Variants in SETD3 observed in about 807,000 individuals in gnomAD.
The protein encoded by SETD3 is actin-histidine N-methyltransferase.
Under a neutral mutation model 63.0 loss-of-function variants are expected in SETD3, and 19 were observed. The observed-to-expected ratio is 0.30, with a 90% CI of 0.21 to 0.44. The LOEUF (loss-of-function observed/expected upper bound fraction) is 0.44, where lower values mean the gene tolerates loss of function less well. SETD3 is among the 20% of genes least tolerant of loss of function. SETD3 has a pLI of 1.00. For missense variants in SETD3, 587 were observed against 728.5 expected, an observed-to-expected ratio of 0.81 and a Z score of 2.24; for synonymous variants, 286 against 264.1, an observed-to-expected ratio of 1.08 and a Z score of -0.80.
At chr14:99,450,034 C>T (rs796436901) in intron 6 of SETD3, among the ~76,000 whole-genome samples, 1 of 152,232 alleles carries the variant, frequency 6.6e-6, no homozygotes, top group Non-Finnish European at 1.5e-5. Flanking sequence ...GAGTGACAAT[C>T]TGCAATACAA....
Position 99,399,100 on chromosome 14 carries a change from T to C in SETD3, c.1364A>G (p.His455Arg). The C allele has an allele frequency of 3.1e-6, 5 of 1,613,748 alleles. No individual in the cohort carries two copies. The highest frequency in any genetic ancestry group is 4.2e-6 in the Non-Finnish European group (5 of 1,179,748). The change falls in exon 13 of 13, where the codon CAC becomes CGC. Residue 455 changes from histidine to arginine, a missense_variant. Coordinates refer to ENST00000331768, the MANE Select transcript of SETD3 (RefSeq NM_032233.3). ...IEEDKSVLKN[H>R]DLSVRAKMAI... Reference sequence around the variant, plus strand: ...CATTTTTGCACGAACAGAAAGATCGTGGTTTTTCAAGACGGATTTATCTTC... The same window carrying C: ...CATTTTTGCACGAACAGAAAGATCGCGGTTTTTCAAGACGGATTTATCTTC...
At chr14:99,482,209 T>C (rs937318796), upstream of SETD3, among the ~76,000 whole-genome samples, 2 of 152,256 alleles carry the variant, frequency 1.3e-5, no homozygotes, top group African/African-American at 4.8e-5. Flanking sequence ...AGGAACTATT[T>C]CTAAGAGCAT....
chr14:99,417,554 C>T (rs1892348137), intron 6 of SETD3, among the ~76,000 whole-genome samples: 1 of 152,228 alleles, frequency 6.6e-6, no homozygotes, highest in Non-Finnish European at 1.5e-5. Flanking sequence ...GAGATACAGA[C>T]ATGCACTTAA....
At chr14:99,417,728 T>C (rs1383965738) in intron 6 of SETD3, among the ~76,000 whole-genome samples, 2 of 152,244 alleles carry the variant, frequency 1.3e-5, no homozygotes. Context: ...CATTAACAGC[T>C]CTGCACAGGA....
chr14:99,401,456 G>A (rs1475467681), intron 11 of SETD3, among the ~76,000 whole-genome samples: 3 of 152,196 alleles, frequency 2.0e-5, no homozygotes, highest in East Asian at 1.9e-4. Context: ...GAAGAACTGC[G>A]GCTGCCAGCA....
At chr14:99,419,762 G>T (rs896732940) in intron 6 of SETD3, among the ~76,000 whole-genome samples, 2 of 147,208 alleles carry the variant, frequency 1.4e-5, no homozygotes, top group African/African-American at 2.5e-5. Context: ...GCGACAGAGC[G>T]AGACTCCGTC....
chr14:99,482,461 A>G (rs905502647), upstream of SETD3, among the ~76,000 whole-genome samples: 2 of 152,248 alleles, frequency 1.3e-5, no homozygotes, highest in Non-Finnish European at 2.9e-5. Flanking sequence ...TGGTAGTGGT[A>G]GTAGTATTGA....
At chr14:99,413,800 C>T in intron 7 of SETD3, 76 bp downstream of exon 7, 1 of 1,396,214 alleles carries the variant, frequency 7.2e-7, no homozygotes, top group Non-Finnish European at 1.0e-6. Context: ...CACTGAAGCC[C>T]TTCCCTCCCT....
chr14:99,448,800 A>G (rs985811015), intron 6 of SETD3, among the ~76,000 whole-genome samples: 1 of 152,222 alleles, frequency 6.6e-6, no homozygotes, highest in African/African-American at 2.4e-5. Flanking sequence ...GAAACATTTA[A>G]GTGAAACTGA....
At chr14:99,471,081 G>A (rs1031645578) in intron 1 of SETD3, among the ~76,000 whole-genome samples, 2 of 152,084 alleles carry the variant, frequency 1.3e-5, no homozygotes, top group African/African-American at 4.8e-5. Flanking sequence ...CCACAGCACA[G>A]TCCCTGAACC....
rs1057140983 is a variant in SETD3, at chr14:99,413,175, T to C, written c.735-110A>G. Reference sequence around the variant, plus strand: ...TGATCTCTTACAAACGTACAAAGTCTTTTCCTAAGTAACAAAGGTAATGTT... The same window carrying C: ...TGATCTCTTACAAACGTACAAAGTCCTTTCCTAAGTAACAAAGGTAATGTT... On this transcript the variant is annotated intron_variant, in intron 7 of 12. Coordinates refer to ENST00000331768, the MANE Select transcript of SETD3 (RefSeq NM_032233.3). The C allele has an allele frequency of 1.9e-5, 12 of 628,630 alleles. No individual in the cohort carries two copies. In the Admixed American group the frequency reaches 2.6e-4, roughly 14 times the overall value. The allele number at this position is 628,630 out of a possible 1,614,324, so 38.9% of individuals were successfully genotyped here.
chr14:99,414,456 C>T (rs1396610383), intron 6 of SETD3, among the ~76,000 whole-genome samples: 4 of 152,204 alleles, frequency 2.6e-5, no homozygotes, highest in Non-Finnish European at 4.4e-5. Context: ...TCAACTTGTT[C>T]GCACATGAAT....
At chr14:99,410,343 A>T (rs1487719627) in intron 8 of SETD3, 1 of 1,301,664 alleles carries the variant, frequency 7.7e-7, no homozygotes, top group East Asian at 2.5e-5. Flanking sequence ...GACTCATCTA[A>T]ATATAAATGT....
At chr14:99,459,230 A>C in intron 4 of SETD3, 45 bp from the exon 5 acceptor site, 1 of 1,378,256 alleles carries the variant, frequency 7.3e-7, no homozygotes, top group Middle Eastern at 1.8e-4. Context: ...AACACGGTAC[A>C]GTCTTCAATC....
intron 6 of SETD3, among the ~76,000 whole-genome samples, chr14:99,453,368 T>C (rs1447883025): frequency 6.6e-6 from 1 of 152,228 alleles, no homozygotes; most frequent in Admixed American, 6.5e-5. Flanking sequence ...AAGACAATTT[T>C]TTAAAAAGAT....
At position 99,409,600 on chromosome 14, in the gene SETD3, G is replaced by A. The variant is rs113261737; in HGVS notation, c.850-3010C>T. Among the ~76,000 whole-genome samples the A allele has an allele frequency of 5.3e-3, 811 of 152,174 alleles. 4 individuals carry two copies. Among genetic ancestry groups the A allele is most frequent in the Admixed American group, 8.3e-3 (127 of 15,288 alleles). On this transcript the variant is annotated intron_variant, in intron 8 of 12. Coordinates refer to ENST00000331768, the MANE Select transcript of SETD3 (RefSeq NM_032233.3). ...TTACATATTAAAAGTAACATAGGAG[G>A]AAGAGCACGATATACATACACACAC...
intron 6 of SETD3, among the ~76,000 whole-genome samples, chr14:99,434,877 C>G (rs1327634405): frequency 1.3e-4 from 6 of 46,534 alleles, no homozygotes; most frequent in Non-Finnish European, 2.5e-4. Flanking sequence ...AAAAAAAAAA[C>G]AACCTACATT....
intron 6 of SETD3, among the ~76,000 whole-genome samples, chr14:99,423,370 A>C (rs1208359704): frequency 6.6e-6 from 1 of 152,068 alleles, no homozygotes; most frequent in Non-Finnish European, 1.5e-5. Flanking sequence ...ATAGGATTAT[A>C]ATTTATTAGA....
upstream of SETD3, among the ~76,000 whole-genome samples, chr14:99,484,566 C>T (rs1388684428): frequency 2.6e-5 from 4 of 152,180 alleles, no homozygotes; most frequent in East Asian, 1.9e-4. Flanking sequence ...TTTAAGGACC[C>T]TGGTAGAAGT....
Sources: gnomAD v4.1 joint callset for allele counts (sites outside exome capture counted in the v4.1 genomes callset) on GRCh38, gnomAD v4.1.1 for gene constraint, MANE v1.5 for transcripts, NCBI Gene and HGNC (gene_info 2026-07-23, HGNC 2026-07-21) for gene names.